CLHC1: variants seen among roughly 807,000 people sequenced by gnomAD.
CLHC1 encodes clathrin heavy chain linker domain-containing protein 1.
CLHC1 carries 72 observed loss-of-function variants against 69.5 expected under a neutral mutation model. The ratio of observed to expected loss-of-function variants is 1.04; its 90% CI spans 0.86 to 1.26. The LOEUF is 1.26. Ranked by LOEUF, CLHC1 falls within the 50% of genes most tolerant of loss-of-function variation. The probability of loss-of-function intolerance (pLI) is 0.00; values close to 1 mark genes in which losing one functional copy is unlikely to be tolerated. For synonymous variants in CLHC1, 223 were observed against 224.3 expected, an observed-to-expected ratio of 0.99 and a Z score of 0.05; for missense variants, 790 against 679.3, an observed-to-expected ratio of 1.16 and a Z score of -1.81.
intron 5 of CLHC1, among the ~76,000 whole-genome samples, chr2:55,210,509 TTTAAACA>T (rs1672888237): frequency 6.6e-6 from 1 of 152,028 alleles, no homozygotes; most frequent in Non-Finnish European, 1.5e-5. Flanking sequence ...GGCTAGCAGT[TTTAAACA>T]TTATCAATGA....
intron 9 of CLHC1, among the ~76,000 whole-genome samples, chr2:55,190,891 T>A (rs960157835): frequency 6.6e-6 from 1 of 151,496 alleles, no homozygotes; most frequent in Non-Finnish European, 1.5e-5. Flanking sequence ...ACTCCAAGCA[T>A]AAGAAGCATG....
intron 9 of CLHC1, 46 bp from the exon 10 acceptor site, chr2:55,181,790 G>T: frequency 1.3e-6 from 2 of 1,509,326 alleles, no homozygotes; most frequent in Non-Finnish European, 1.8e-6. Context: ...TTAAGAAATA[G>T]TTTGCTTTTT....
At chr2:55,181,445 T>C in intron 10 of CLHC1, 125 bp downstream of exon 10, 1 of 750,354 alleles carries the variant, frequency 1.3e-6, no homozygotes, top group Non-Finnish European at 2.1e-6. Context: ...CACTTTCTGA[T>C]TAATTGCAAT....
chr2:55,190,611 A>T (rs1670835253), intron 9 of CLHC1, among the ~76,000 whole-genome samples: 2 of 152,178 alleles, frequency 1.3e-5, no homozygotes, highest in South Asian at 4.1e-4. Context: ...TGAAATGAAA[A>T]ATACACTGGA....
intron 5 of CLHC1, 78 bp from the exon 6 acceptor site, chr2:55,209,909 A>G: frequency 1.2e-6 from 1 of 868,400 alleles, no homozygotes; most frequent in Non-Finnish European, 1.8e-6. Flanking sequence ...TCTTAGAAAG[A>G]CAGTTCACTA....
intron 4 of CLHC1, among the ~76,000 whole-genome samples, chr2:55,216,394 C>T (rs1022504701): frequency 6.6e-6 from 1 of 152,036 alleles, no homozygotes; most frequent in Non-Finnish European, 1.5e-5. Context: ...GCATCTTATC[C>T]TCTCCCAGTA....
At chr2:55,219,421 A>T (rs1673900604) in intron 3 of CLHC1, among the ~76,000 whole-genome samples, 1 of 152,320 alleles carries the variant, frequency 6.6e-6, no homozygotes, top group Admixed American at 6.5e-5. Context: ...AAAATATTTT[A>T]AAATTTAGGG....
chr2:55,188,249 G>A (rs746175823), intron 9 of CLHC1, among the ~76,000 whole-genome samples: 1 of 152,136 alleles, frequency 6.6e-6, no homozygotes, highest in Non-Finnish European at 1.5e-5. Flanking sequence ...CCAGGAGGTT[G>A]AGGCTGCAGT....
At chr2:55,204,696 C>T (rs147718973) in intron 9 of CLHC1, among the ~76,000 whole-genome samples, 3 of 152,164 alleles carry the variant, frequency 2.0e-5, no homozygotes, top group Non-Finnish European at 4.4e-5. Flanking sequence ...TGTCCATCAA[C>T]AGACAAATGG....
chr2:55,227,506 C>T (rs745676617), intron 2 of CLHC1, among the ~76,000 whole-genome samples: 4 of 152,074 alleles, frequency 2.6e-5, no homozygotes, highest in Non-Finnish European at 5.9e-5. Context: ...GGTGAAACCA[C>T]ATCTCTACTA....
At chr2:55,176,600 G>C (rs939392416) in intron 12 of CLHC1, among the ~76,000 whole-genome samples, 1 of 152,040 alleles carries the variant, frequency 6.6e-6, no homozygotes, top group African/African-American at 2.4e-5. Context: ...ATATCTTAGT[G>C]ATCTATCAAT....
At chr2:55,197,487 G>A (rs994376319) in intron 9 of CLHC1, among the ~76,000 whole-genome samples, 2 of 152,278 alleles carry the variant, frequency 1.3e-5, no homozygotes, top group South Asian at 4.1e-4. Flanking sequence ...CCAGCTCCAG[G>A]CAGCTCAGCA....
At chr2:55,226,269 C>G (rs1266840277) in intron 2 of CLHC1, among the ~76,000 whole-genome samples, 1 of 151,792 alleles carries the variant, frequency 6.6e-6, no homozygotes. Flanking sequence ...AAGTTGGTGC[C>G]TAAGATTTAG....
rs781044137 is a variant in CLHC1 at position 55,209,660 on chromosome 2, G to C, written c.671C>G (p.Ala224Gly). The change falls in exon 6 of 13, where the codon GCT becomes GGT. Residue 224 changes from alanine (A) to glycine (G), a missense_variant. Ala to Gly is a moderately conservative substitution (Grantham distance 60). Transcript: ENST00000401408. Reference protein sequence around the residue: ...MIVLLKRRDVAENLNKKLQFC... With the variant: ...MIVLLKRRDVGENLNKKLQFC... ...CTGCAATTTTTTGTTCAGATTTTCA[G>C]CTACATCTCGCCGTTTTAATAACAC... The C allele has an allele frequency of 1.2e-6, 2 of 1,613,952 alleles. No homozygotes were observed. The highest frequency in any genetic ancestry group is 1.7e-5 in the Admixed American group (1 of 59,998).
chr2:55,201,224 T>C (rs1013895465), intron 9 of CLHC1, among the ~76,000 whole-genome samples: 3 of 148,284 alleles, frequency 2.0e-5, no homozygotes, highest in East Asian at 2.0e-4. Flanking sequence ...AAAACAATTA[T>C]AAAAATCAAT....
At chr2:55,206,754 G>C (rs1376808600) in intron 8 of CLHC1, 1 of 206,902 alleles carries the variant, frequency 4.8e-6, no homozygotes, top group East Asian at 1.6e-4. Flanking sequence ...GGCATCAGAG[G>C]AAAGAAGGGC....
At chr2:55,220,720 C>G (rs771718102) in intron 3 of CLHC1, among the ~76,000 whole-genome samples, 10 of 152,160 alleles carry the variant, frequency 6.6e-5, no homozygotes, top group Non-Finnish European at 1.2e-4. Flanking sequence ...CTTGGGCATG[C>G]AAAGATAAAC....
Position 55,173,191 on chromosome 2 carries a change from A to T in CLHC1, c.*2599T>A, listed in dbSNP as rs773442452. 2.6e-5 allele frequency among the ~76,000 whole-genome samples: 4 copies of T among 152,242 alleles called. No homozygotes were observed. The highest frequency in any genetic ancestry group is 4.4e-5 in the Non-Finnish European group (3 of 68,044). ...GCTCAAGACAGCAAGACCTAATAGAACACATGAACGTTGGTTAAATCTTCA... is the reference window on the plus strand; with the variant it reads ...GCTCAAGACAGCAAGACCTAATAGATCACATGAACGTTGGTTAAATCTTCA... On this transcript the variant is annotated 3_prime_UTR_variant, in exon 13 of 13. Transcript: ENST00000401408.
At chr2:55,185,371 T>G (rs1191945450) in intron 9 of CLHC1, among the ~76,000 whole-genome samples, 2 of 152,122 alleles carry the variant, frequency 1.3e-5, no homozygotes, top group Non-Finnish European at 2.9e-5. Flanking sequence ...TGATACCCCC[T>G]TCCAGGACCT....
Sources: gnomAD v4.1 joint callset for allele counts (sites outside exome capture counted in the v4.1 genomes callset) on GRCh38, gnomAD v4.1.1 for gene constraint, MANE v1.5 for transcripts, NCBI Gene and HGNC (gene_info 2026-07-23, HGNC 2026-07-21) for gene names.